IMMP2L: variants seen among roughly 807,000 people sequenced by gnomAD.
IMMP2L encodes mitochondrial inner membrane protease subunit 2.
A neutral mutation model predicts 19.3 loss-of-function variants in IMMP2L; 18 were observed. That is an observed-to-expected ratio of 0.93 (90% CI 0.64 to 1.38). The LOEUF (loss-of-function observed/expected upper bound fraction) is 1.38, where lower values mean the gene tolerates loss of function less well. Among genes scored for constraint, IMMP2L ranks in the 40% most tolerant of loss-of-function variants. IMMP2L has a pLI of 0.00. For missense variants in IMMP2L, 233 were observed against 218.2 expected (o/e 1.07, Z -0.43); for synonymous variants, 76 against 73.0 (o/e 1.04, Z -0.21).
In IMMP2L at chr7:110,818,336, T is replaced by C. The variant is rs551502674; in HGVS notation, c.408+68257A>G. On this transcript the variant is annotated intron_variant, in intron 5 of 5. Coordinates refer to ENST00000405709, the MANE Select transcript of IMMP2L (RefSeq NM_032549.4). ...ACACACAATTCTCAAAAGAAGACAT[T>C]TATGCAGCCAACAGACACATGAAAA... Among the ~76,000 whole-genome samples the C allele has an allele frequency of 4.6e-5, 7 of 152,220 alleles. No individual in the cohort carries two copies. The East Asian group carries it at 1.4e-3, about 29-fold the overall frequency.
intron 5 of IMMP2L, among the ~76,000 whole-genome samples, chr7:110,744,021 G>A (rs1043421559): frequency 6.6e-6 from 1 of 152,190 alleles, no homozygotes; most frequent in Non-Finnish European, 1.5e-5. Context: ...AATTCTTGCT[G>A]CCAGCACAGC....
chr7:111,392,084 C>G (rs902081769), intron 3 of IMMP2L: 1 of 670,362 alleles, frequency 1.5e-6, no homozygotes, highest in Non-Finnish European at 2.7e-6. Flanking sequence ...CAGCAATGTG[C>G]AAACTATATT....
In IMMP2L at chr7:111,466,362, T is replaced by C. The variant is rs1840663737; in HGVS notation, c.239+20876A>G. Among the ~76,000 whole-genome samples, 3 of 152,208 alleles carry C rather than the reference T, an allele frequency of 2.0e-5. No homozygotes were observed. The South Asian group carries it at 6.2e-4, about 32-fold the overall frequency. On this transcript the variant is annotated intron_variant, in intron 3 of 5. Coordinates refer to ENST00000405709, the MANE Select transcript of IMMP2L (RefSeq NM_032549.4). Reference sequence around the variant, plus strand: ...GTATAATAAAAAAAATTATCAAATTTAGTCGCTTTTTAGGAAAGGGTAAGG... The same window carrying C: ...GTATAATAAAAAAAATTATCAAATTCAGTCGCTTTTTAGGAAAGGGTAAGG...
chr7:111,329,734 T>C (rs1271321978), intron 3 of IMMP2L, among the ~76,000 whole-genome samples: 1 of 151,772 alleles, frequency 6.6e-6, no homozygotes, highest in Admixed American at 6.6e-5. Flanking sequence ...CATTTCGAAT[T>C]ACATAAAACA....
At chr7:111,222,024 A>G (rs1812573483) in intron 3 of IMMP2L, among the ~76,000 whole-genome samples, 2 of 152,102 alleles carry the variant, frequency 1.3e-5, no homozygotes, top group South Asian at 4.1e-4. Context: ...ACCCAAGACT[A>G]ATTACAAAGT....
chr7:111,059,468 G>A (rs1231108068), intron 3 of IMMP2L, among the ~76,000 whole-genome samples: 1 of 152,058 alleles, frequency 6.6e-6, no homozygotes, highest in East Asian at 1.9e-4. Flanking sequence ...CCCCTCTATA[G>A]CAAGTGACAA....
chr7:110,777,910 T>G (rs1167355460), intron 5 of IMMP2L, among the ~76,000 whole-genome samples: 2 of 152,040 alleles, frequency 1.3e-5, no homozygotes, highest in Non-Finnish European at 2.9e-5. Flanking sequence ...TTTCATTTAT[T>G]GTTCTGTTAG....
chr7:110,670,689 CA>C (rs376027021), intron 5 of IMMP2L, among the ~76,000 whole-genome samples: 50 of 91,602 alleles, frequency 5.5e-4, no homozygotes, highest in East Asian at 1.5e-3. Context: ...GACTCCGTCT[CA>C]AAAAAAAAAA....
chr7:110,866,778 A>C (rs891117082), intron 5 of IMMP2L, among the ~76,000 whole-genome samples: 8 of 152,154 alleles, frequency 5.3e-5, no homozygotes, highest in Admixed American at 2.0e-4. Context: ...TTATTTAGTG[A>C]TCTGTTTGTG....
intron 3 of IMMP2L, among the ~76,000 whole-genome samples, chr7:111,065,464 T>C (rs1794402778): frequency 6.6e-6 from 1 of 152,136 alleles, no homozygotes; most frequent in South Asian, 2.1e-4. Context: ...GTCAACTTGA[T>C]TGGATTGAAG....
At chr7:111,282,578 CTT>C (rs1312576672) in intron 3 of IMMP2L, among the ~76,000 whole-genome samples, 5 of 151,996 alleles carry the variant, frequency 3.3e-5, no homozygotes, top group African/African-American at 7.2e-5. Context: ...TTAAATAACT[CTT>C]TTTTTGATTT....
chr7:111,521,142 C>T (rs1000924500), intron 2 of IMMP2L, among the ~76,000 whole-genome samples, 171 bp downstream of exon 2: 15 of 151,980 alleles, frequency 9.9e-5, no homozygotes, highest in African/African-American at 3.4e-4. Flanking sequence ...GATTATAATA[C>T]GACTGTATTA....
chr7:111,361,485 T>C (rs1829254898), intron 3 of IMMP2L, among the ~76,000 whole-genome samples: 1 of 152,154 alleles, frequency 6.6e-6, no homozygotes, highest in African/African-American at 2.4e-5. Flanking sequence ...ATAGTAGCAG[T>C]TGCAGCATAA....
At chr7:110,988,996 G>C (rs894913171) in intron 3 of IMMP2L, among the ~76,000 whole-genome samples, 2 of 152,060 alleles carry the variant, frequency 1.3e-5, no homozygotes, top group Non-Finnish European at 2.9e-5. Context: ...CAGCACTTTG[G>C]GGGACCGAGG....
At chr7:111,346,211 T>C (rs571475340) in intron 3 of IMMP2L, among the ~76,000 whole-genome samples, 1 of 152,238 alleles carries the variant, frequency 6.6e-6, no homozygotes, top group South Asian at 2.1e-4. Flanking sequence ...CACCAACTTA[T>C]AAATGAAGAT....
At chr7:111,302,774 T>C (rs1822407248) in intron 3 of IMMP2L, among the ~76,000 whole-genome samples, 1 of 152,128 alleles carries the variant, frequency 6.6e-6, no homozygotes, top group Admixed American at 6.6e-5. Flanking sequence ...ATTTGGTGAC[T>C]TATAGTTTAA....
intron 3 of IMMP2L, among the ~76,000 whole-genome samples, chr7:111,339,859 A>C (rs1826836141): frequency 6.6e-6 from 1 of 152,054 alleles, no homozygotes; most frequent in Non-Finnish European, 1.5e-5. Flanking sequence ...CTGAGGCTAA[A>C]ATAGCATTCA....
intron 3 of IMMP2L, among the ~76,000 whole-genome samples, chr7:111,118,752 T>C (rs555359312): frequency 3.9e-5 from 6 of 152,202 alleles, no homozygotes; most frequent in Admixed American, 2.0e-4. Context: ...TCCACAGACT[T>C]AAGAAAAAGT....
chr7:111,448,507 C>A, intron 3 of IMMP2L, among the ~76,000 whole-genome samples: 1 of 134,904 alleles, frequency 7.4e-6, no homozygotes, highest in African/African-American at 2.8e-5. Context: ...TCTTTGAAAC[C>A]AACGAGAACA....
Sources: allele counts gnomAD v4.1 joint callset (sites outside exome capture counted in the v4.1 genomes callset), GRCh38; gene constraint gnomAD v4.1.1; transcripts MANE v1.5; gene names NCBI Gene and HGNC (gene_info 2026-07-23, HGNC 2026-07-21).